ADAM17: variants seen among roughly 807,000 people sequenced by gnomAD.
The protein encoded by ADAM17 is ADAM metallopeptidase domain 17.
In ADAM17, 39 loss-of-function variants were observed where a neutral mutation model predicts 96.7. The ratio of observed to expected loss-of-function variants is 0.40; its 90% CI spans 0.31 to 0.53. The LOEUF (loss-of-function observed/expected upper bound fraction) is 0.53, where lower values mean the gene tolerates loss of function less well. ADAM17 is among the 20% of genes least tolerant of loss of function. ADAM17 has a pLI of 0.44. For synonymous variants in ADAM17, 344 were observed against 359.2 expected, an observed-to-expected ratio of 0.96 and a Z score of 0.48; for missense variants, 777 against 1,013.2, an observed-to-expected ratio of 0.77 and a Z score of 3.17.
At chr2:9,537,892 G>C (rs1157055792) in intron 2 of ADAM17, among the ~76,000 whole-genome samples, 1 of 79,448 alleles carries the variant, frequency 1.3e-5, no homozygotes, top group African/African-American at 4.8e-5. Context: ...GAGGGGAGGG[G>C]AGGGGAGGGG....
Position 9,536,684 on chromosome 2 carries a change from A to G in ADAM17, c.361+14T>C. 1 of 1,612,890 alleles carries G rather than the reference A, an allele frequency of 6.2e-7. No homozygotes were observed. Among genetic ancestry groups the G allele is most frequent in the Non-Finnish European group, 8.5e-7 (1 of 1,179,594 alleles). On this transcript the variant is annotated intron_variant, in intron 3 of 18. Transcript: ENST00000310823. ...CACCAGACACAGGGGCAAACCAACAAGCTCCATACTAACCAACCACGTGTC... is the reference window on the plus strand; with the variant it reads ...CACCAGACACAGGGGCAAACCAACAGGCTCCATACTAACCAACCACGTGTC...
chr2:9,510,170 C>T, intron 10 of ADAM17, 39 bp from the exon 11 acceptor site: 2 of 1,608,778 alleles, frequency 1.2e-6, no homozygotes, highest in Non-Finnish European at 8.5e-7. Flanking sequence ...TTCTCAATAT[C>T]CAGCCATCAC....
At chr2:9,497,008 A>C in intron 14 of ADAM17, 106 bp downstream of exon 14, 2 of 1,514,606 alleles carry the variant, frequency 1.3e-6, no homozygotes. Context: ...CTCGGCTTGG[A>C]TCTCACCACT....
chr2:9,552,894 G>A lies in ADAM17; in HGVS notation c.97+2615C>T, dbSNP rs114169677. ...ATTTTTTGCCTTTCAGAAAAATGTT[G>A]TCATATGCCTAATCGATATTGAGTA... On this transcript the variant is annotated intron_variant, in intron 1 of 18. Transcript: ENST00000310823. 8.5e-3 allele frequency among the ~76,000 whole-genome samples: 1,281 copies of A among 150,790 alleles called. 14 individuals are homozygous for A. Among genetic ancestry groups the A allele is most frequent in the African/African-American group, 0.031 (1,225 of 40,128 alleles).
chr2:9,545,857 G>A (rs1665387511), intron 1 of ADAM17, among the ~76,000 whole-genome samples: 1 of 152,142 alleles, frequency 6.6e-6, no homozygotes, highest in Non-Finnish European at 1.5e-5. Flanking sequence ...ACTTTGGGAG[G>A]TCAAGGTGAG....
chr2:9,499,092 T>C (rs1244631209), intron 13 of ADAM17, among the ~76,000 whole-genome samples: 1 of 141,272 alleles, frequency 7.1e-6, no homozygotes, highest in African/African-American at 2.7e-5. Context: ...GAAATGCTAA[T>C]TGCTTTTTTT....
Position 9,518,118 on chromosome 2 carries a change from C to T in ADAM17, c.1087G>A (p.Gly363Ser). ...VGSPRANSHG[G>S]VCPKAYYSPV... is the part of the protein sequence containing the mutation. Reference sequence around the variant, plus strand: ...AAAAACTTACCCTTTGGACAAACACCTCCATGGCTGTTTGCTCTGGGAGAG... The same window carrying T: ...AAAAACTTACCCTTTGGACAAACACTTCCATGGCTGTTTGCTCTGGGAGAG... Residue 363 changes from glycine (G) to serine (S), a missense_variant, in exon 9 of 19, where the codon GGT becomes AGT. By Grantham distance (56) the Gly-to-Ser change is moderately conservative. This residue lies in a region of ADAM17 where 446 missense variants were observed against 664.7 expected (regional missense o/e 0.67). Transcript: ENST00000310823. The T allele has an allele frequency of 6.3e-7, 1 of 1,592,838 alleles. No individual in the cohort carries two copies. Among genetic ancestry groups the T allele is most frequent in the Non-Finnish European group, 8.5e-7 (1 of 1,173,784 alleles).
intron 7 of ADAM17, chr2:9,522,505 C>T: frequency 1.9e-6 from 1 of 529,724 alleles, no homozygotes; most frequent in South Asian, 2.7e-5. Flanking sequence ...TAGTTTTATA[C>T]AAGTAATATC....
In ADAM17 at chr2:9,550,384, A is replaced by C. The variant is rs1040374993; in HGVS notation, c.97+5125T>G. The stretch of plus-strand genomic sequence containing the variant: ...CAGGTTAGGCAATGAGACTACTTCC[A>C]CAATTACCAGCAGCCCTGCCTAGTC... On this transcript the variant is annotated intron_variant, in intron 1 of 18. Transcript: ENST00000310823. Among the ~76,000 whole-genome samples, 23 of 151,074 alleles carry C rather than the reference A, an allele frequency of 1.5e-4. No homozygotes were observed. In the East Asian group the frequency reaches 4.1e-3, roughly 27 times the overall value.
chr2:9,543,087 C>A (rs1665272803), intron 2 of ADAM17, 66 bp downstream of exon 2: 1 of 1,458,334 alleles, frequency 6.9e-7, no homozygotes, highest in Non-Finnish European at 9.1e-7. Flanking sequence ...GATACCCTTA[C>A]TTTTTTGTTT....
intron 7 of ADAM17, among the ~76,000 whole-genome samples, chr2:9,522,716 C>G (rs1457963588): frequency 1.3e-5 from 2 of 152,058 alleles, no homozygotes; most frequent in South Asian, 2.1e-4. Flanking sequence ...TTAATTAGTC[C>G]TAGCAATTTG....
intron 10 of ADAM17, among the ~76,000 whole-genome samples, chr2:9,514,922 C>T (rs1663983922): frequency 1.3e-5 from 2 of 152,042 alleles, no homozygotes; most frequent in South Asian, 2.1e-4. Flanking sequence ...TGGAATGTAG[C>T]GGGTATTCAC....
At chr2:9,524,469 G>A (rs1347043919) in intron 6 of ADAM17, among the ~76,000 whole-genome samples, 4 of 151,932 alleles carry the variant, frequency 2.6e-5, no homozygotes, top group African/African-American at 4.8e-5. Flanking sequence ...CGGCCTGGGC[G>A]ACAGAGCCTT....
chr2:9,548,359 G>A (rs1665477993), intron 1 of ADAM17, among the ~76,000 whole-genome samples: 1 of 151,976 alleles, frequency 6.6e-6, no homozygotes, highest in Non-Finnish European at 1.5e-5. Context: ...ATTTCATTAT[G>A]ACTGCAGTGT....
intron 10 of ADAM17, among the ~76,000 whole-genome samples, chr2:9,514,708 C>G (rs955886465): frequency 6.6e-6 from 1 of 151,248 alleles, no homozygotes; most frequent in Admixed American, 6.6e-5. Flanking sequence ...CCCGTCTCTA[C>G]TAAAAATACA....
chr2:9,517,964 T>C lies in ADAM17; in HGVS notation c.1128A>G (p.Lys376=), dbSNP rs765410644. The change falls in exon 10 of 19, where the codon AAA becomes AAG. Residue 376 remains lysine, a synonymous_variant. Coordinates refer to ENST00000310823, the MANE Select transcript of ADAM17 (RefSeq NM_003183.6). ...PKAYYSPVGK[K]NIYLNSGLTS... is the part of the protein sequence containing the mutation. ...TCAAACCACTATTCAAATAGATATT[T>C]TTCTTCCCAACTGGGCTATAATAAG... is the stretch of plus-strand genomic sequence containing the variant. 8.7e-6 allele frequency: 14 copies of C among 1,604,714 alleles called. No homozygotes were observed. Among genetic ancestry groups the C allele is most frequent in the South Asian group, 1.1e-5 (1 of 88,366 alleles).
intron 1 of ADAM17, among the ~76,000 whole-genome samples, chr2:9,545,087 T>TA (rs1046331186): frequency 2.0e-5 from 3 of 152,346 alleles, no homozygotes; most frequent in African/African-American, 7.2e-5. Flanking sequence ...TCATTGTCAA[T>TA]AATATAGCCC....
intron 1 of ADAM17, among the ~76,000 whole-genome samples, chr2:9,544,899 A>G (rs1665350189): frequency 6.6e-6 from 1 of 152,154 alleles, no homozygotes; most frequent in South Asian, 2.1e-4. Context: ...TACTCAGCAA[A>G]AACCTTGCAC....
Position 9,528,032 on chromosome 2 carries a change from C to T in ADAM17, c.451-78G>A, listed in dbSNP as rs573479417. On this transcript the variant is annotated intron_variant, in intron 4 of 18. Coordinates refer to ENST00000310823, the MANE Select transcript of ADAM17 (RefSeq NM_003183.6). Reference sequence around the variant, plus strand: ...CACTAAATTCTTCTAACATTCTTTGCTTGTTCTTAGATAACATTCATTTCT... The same window carrying T: ...CACTAAATTCTTCTAACATTCTTTGTTTGTTCTTAGATAACATTCATTTCT... 1.1e-3 allele frequency: 1,081 copies of T among 1,013,176 alleles called. 2 individuals carry two copies. Among genetic ancestry groups the T allele is most frequent in the Non-Finnish European group, 1.4e-3 (1,022 of 748,106 alleles). The allele number at this position is 1,013,176 out of a possible 1,614,324, so 62.8% of individuals were successfully genotyped here.
Sources: allele counts gnomAD v4.1 joint callset (sites outside exome capture counted in the v4.1 genomes callset), GRCh38; gene constraint gnomAD v4.1.1; regional missense constraint gnomAD v4.1.1; transcripts MANE v1.5; gene names NCBI Gene and HGNC (gene_info 2026-07-23, HGNC 2026-07-21).